The following PIGU variants were observed in gnomAD, a reference collection of about 807,000 sequenced individuals.
PIGU encodes the protein phosphatidylinositol glycan anchor biosynthesis class U.
PIGU carries 24 observed loss-of-function variants against 49.9 expected under a neutral mutation model. The observed-to-expected ratio is 0.48, with a 90% CI of 0.35 to 0.68. The LOEUF is 0.68. Among genes scored for constraint, PIGU ranks in the 30% least tolerant of loss-of-function variants. PIGU has a pLI of 0.01. For synonymous variants in PIGU, 220 were observed against 205.7 expected, an observed-to-expected ratio of 1.07 and a Z score of -0.59; for missense variants, 490 against 532.6, an observed-to-expected ratio of 0.92 and a Z score of 0.79.
intron 11 of PIGU, among the ~76,000 whole-genome samples, chr20:34,565,065 C>G (rs1982686231): frequency 6.6e-6 from 1 of 152,206 alleles, no homozygotes; most frequent in South Asian, 2.1e-4. Context: ...TAGGGTGCAG[C>G]CAACACAGCA....
intron 1 of PIGU, among the ~76,000 whole-genome samples, chr20:34,658,253 C>G (rs1443223516): frequency 6.6e-6 from 1 of 152,256 alleles, no homozygotes; most frequent in Non-Finnish European, 1.5e-5. Context: ...CCTCGGCCTC[C>G]CGAGGTGCCG....
chr20:34,649,608 C>T (rs1676407788), intron 2 of PIGU, among the ~76,000 whole-genome samples: 1 of 151,158 alleles, frequency 6.6e-6, no homozygotes, highest in Admixed American at 6.6e-5. Flanking sequence ...GCAACTTCCG[C>T]CTCCCAGGTT....
intron 4 of PIGU, among the ~76,000 whole-genome samples, chr20:34,641,994 T>C (rs1986177089): frequency 1.3e-5 from 2 of 152,200 alleles, no homozygotes; most frequent in South Asian, 2.1e-4. Context: ...AACCAGGGTA[T>C]TGACAACACC....
chr20:34,571,822 T>C (rs1429822527), intron 11 of PIGU, among the ~76,000 whole-genome samples: 1 of 152,202 alleles, frequency 6.6e-6, no homozygotes, highest in Admixed American at 6.5e-5. Flanking sequence ...AAGGGTGGCA[T>C]AACTTTCATG....
chr20:34,630,295 G>A (rs1985659406), intron 6 of PIGU, among the ~76,000 whole-genome samples: 1 of 152,140 alleles, frequency 6.6e-6, no homozygotes, highest in Non-Finnish European at 1.5e-5. Flanking sequence ...AGTGGGCTGA[G>A]GAGAGGTGTG....
intron 8 of PIGU, among the ~76,000 whole-genome samples, chr20:34,586,051 T>C (rs1983688518): frequency 6.6e-6 from 1 of 152,164 alleles, no homozygotes; most frequent in African/African-American, 2.4e-5. Context: ...GAGACCGAAG[T>C]GAGACTTCTA....
chr20:34,610,889 A>G (rs1194487727), intron 7 of PIGU, among the ~76,000 whole-genome samples: 1 of 152,212 alleles, frequency 6.6e-6, no homozygotes, highest in African/African-American at 2.4e-5. Context: ...CAGAGGCCTC[A>G]GAAATAATAC....
At position 34,644,173 on chromosome 20, in the gene PIGU, A is replaced by C; in HGVS notation, c.309T>G (p.Asn103Lys). ...IALYFAIQDF[N>K]KVVFKKQKLL... is the part of the protein sequence containing the mutation. ...CCCACAAACTACTTACCACAACTTT[A>C]TTGAAGTCCTGGATTGCAAAATACA... Residue 103 changes from asparagine (N) to lysine (K), a missense_variant, in exon 4 of 12, where the codon AAT becomes AAG. Coordinates refer to ENST00000217446, the MANE Select transcript of PIGU (RefSeq NM_080476.5). The C allele has an allele frequency of 6.2e-7, 1 of 1,609,084 alleles. No individual in the cohort carries two copies. Among genetic ancestry groups the C allele is most frequent in the East Asian group, 2.2e-5 (1 of 44,836 alleles).
intron 11 of PIGU, among the ~76,000 whole-genome samples, chr20:34,574,184 G>A (rs1983127987): frequency 6.6e-6 from 1 of 152,232 alleles, no homozygotes; most frequent in South Asian, 2.1e-4. Flanking sequence ...AGCACGTGGA[G>A]GAGGGAACTT....
intron 6 of PIGU, among the ~76,000 whole-genome samples, chr20:34,620,830 A>C (rs1985190321): frequency 6.6e-6 from 1 of 151,748 alleles, no homozygotes; most frequent in African/African-American, 2.4e-5. Context: ...CAAAAAAAAA[A>C]AAACAAAAAA....
intron 9 of PIGU, among the ~76,000 whole-genome samples, chr20:34,584,923 G>A (rs1374477529): frequency 1.3e-5 from 2 of 152,174 alleles, no homozygotes; most frequent in African/African-American, 4.8e-5. Context: ...CCTGACCTCA[G>A]GTGATCCACT....
chr20:34,616,056 G>A lies in PIGU; in HGVS notation c.613C>T (p.Leu205Phe). The A allele has an allele frequency of 1.2e-6, 2 of 1,611,188 alleles. No individual in the cohort carries two copies. The highest frequency in any genetic ancestry group is 1.7e-6 in the Non-Finnish European group (2 of 1,178,868). ...CAAGTGCTTACCTGGAGGAGATAGA[G>A]GAGTCCTGGGACAAACAAGGTGAGT... is the stretch of plus-strand genomic sequence containing the variant. ...YPLTLFVPGL[L>F]YLLQRQYIPV... Residue 205 changes from leucine (L) to phenylalanine (F), a missense_variant, in exon 7 of 12, where the codon CTC becomes TTC. Physicochemically the swap from Leu to Phe is conservative, Grantham distance 22 (BLOSUM62 0). Transcript: ENST00000217446.
At chr20:34,611,454 G>A (rs1163982711) in intron 7 of PIGU, among the ~76,000 whole-genome samples, 1 of 151,942 alleles carries the variant, frequency 6.6e-6, no homozygotes, top group African/African-American at 2.4e-5. Context: ...AGACCATCCT[G>A]GCTAACATGG....
At chr20:34,620,599 C>T (rs1985169950) in intron 6 of PIGU, among the ~76,000 whole-genome samples, 1 of 151,902 alleles carries the variant, frequency 6.6e-6, no homozygotes, top group Non-Finnish European at 1.5e-5. Flanking sequence ...ATCACGAGGT[C>T]GGGAGATCGA....
intron 7 of PIGU, 118 bp from the exon 8 acceptor site, chr20:34,588,725 T>C: frequency 2.0e-6 from 2 of 1,024,972 alleles, no homozygotes; most frequent in Non-Finnish European, 2.7e-6. Context: ...TTTATAATTT[T>C]GCTTTGGTCT....
intron 7 of PIGU, among the ~76,000 whole-genome samples, chr20:34,596,815 T>C (rs1305756756): frequency 2.0e-5 from 3 of 152,208 alleles, no homozygotes; most frequent in Non-Finnish European, 4.4e-5. Flanking sequence ...CTAATTACGA[T>C]GGCTGATTTA....
At chr20:34,629,302 G>A (rs760632033) in intron 6 of PIGU, among the ~76,000 whole-genome samples, 12 of 152,108 alleles carry the variant, frequency 7.9e-5, no homozygotes, top group Admixed American at 7.9e-4. Context: ...GATTACAGGC[G>A]TGAGCCACCA....
Position 34,616,142 on chromosome 20 carries a change from G to A in PIGU, c.530-3C>T, listed in dbSNP as rs774756060. 3 of 1,611,850 alleles carry A rather than the reference G, an allele frequency of 1.9e-6. No individual in the cohort carries two copies. Among genetic ancestry groups the A allele is most frequent in the African/African-American group, 1.3e-5 (1 of 74,922 alleles). ...AATAGCACTGAGGAAAGCACTGCCT[G>A]TAAAAAGAAAGAAATGTATGGAATA... On this transcript the variant is annotated splice_region_variant and splice_polypyrimidine_tract_variant and intron_variant, in intron 6 of 11. Transcript: ENST00000217446.
chr20:34,638,597 C>T (rs1447300547), intron 4 of PIGU, among the ~76,000 whole-genome samples: 3 of 152,180 alleles, frequency 2.0e-5, no homozygotes, highest in African/African-American at 7.2e-5. Flanking sequence ...CTCCAAAGTT[C>T]CATCCATGAA....
Sources: allele counts gnomAD v4.1 joint callset (sites outside exome capture counted in the v4.1 genomes callset), GRCh38; gene constraint gnomAD v4.1.1; transcripts MANE v1.5; gene names NCBI Gene and HGNC (gene_info 2026-07-23, HGNC 2026-07-21).